Variants in MSRB3 observed in about 807,000 individuals in gnomAD.
MSRB3 encodes the protein methionine sulfoxide reductase B3.
MSRB3 carries 13 observed loss-of-function variants against 21.0 expected under a neutral mutation model. The observed-to-expected ratio is 0.62, with a 90% CI of 0.40 to 0.98. The LOEUF (loss-of-function observed/expected upper bound fraction) is 0.98. MSRB3 is among the 50% of genes least tolerant of loss of function. The pLI, the probability that MSRB3 is intolerant of heterozygous loss-of-function variation, is 0.00. For missense variants in MSRB3, 199 were observed against 230.3 expected, an observed-to-expected ratio of 0.86 and a Z score of 0.88; for synonymous variants, 87 against 88.6, an observed-to-expected ratio of 0.98 and a Z score of 0.10.
At chr12:65,347,855 G>A (rs1876630200) in intron 4 of MSRB3, among the ~76,000 whole-genome samples, 1 of 152,148 alleles carries the variant, frequency 6.6e-6, no homozygotes, top group Non-Finnish European at 1.5e-5. Flanking sequence ...TGTGGTTTTT[G>A]TCGTTGGTTC....
At chr12:65,288,496 G>T (rs530762623) in intron 1 of MSRB3, among the ~76,000 whole-genome samples, 16 of 152,202 alleles carry the variant, frequency 1.1e-4, no homozygotes, top group African/African-American at 3.9e-4. Context: ...TCTTATGTTT[G>T]AACTTCGTAG....
At chr12:65,393,508 C>T (rs1879597023) in intron 5 of MSRB3, among the ~76,000 whole-genome samples, 1 of 151,950 alleles carries the variant, frequency 6.6e-6, no homozygotes, top group Non-Finnish European at 1.5e-5. Flanking sequence ...TGGTGGGCGC[C>T]TGTAATCCCA....
chr12:65,338,899 A>G (rs908374115), intron 4 of MSRB3, among the ~76,000 whole-genome samples: 2 of 151,986 alleles, frequency 1.3e-5, no homozygotes, highest in African/African-American at 2.4e-5. Context: ...ACATGGTGAA[A>G]CCCTGTCTCT....
chr12:65,303,832 G>T (rs1873486438), intron 1 of MSRB3, among the ~76,000 whole-genome samples: 3 of 152,118 alleles, frequency 2.0e-5, no homozygotes, highest in Admixed American at 2.0e-4. Context: ...AATGGTGGAG[G>T]TTGGAAGTGG....
chr12:65,296,482 A>G (rs1872973562), intron 1 of MSRB3, among the ~76,000 whole-genome samples: 1 of 152,232 alleles, frequency 6.6e-6, no homozygotes. Context: ...TCTACATTAT[A>G]CGAGTGAGGA....
intron 6 of MSRB3, among the ~76,000 whole-genome samples, chr12:65,460,577 T>C (rs1360172856): frequency 6.6e-6 from 1 of 152,202 alleles, no homozygotes; most frequent in Non-Finnish European, 1.5e-5. Flanking sequence ...CTGCTATGAC[T>C]CTTCCAGAAC....
intron 5 of MSRB3, among the ~76,000 whole-genome samples, chr12:65,387,092 C>T (rs533550038): frequency 3.3e-5 from 5 of 152,012 alleles, no homozygotes; most frequent in Admixed American, 6.5e-5. Context: ...AGCAGTATCT[C>T]ATTTTAAAAA....
At chr12:65,333,882 G>A (rs1327942596) in intron 4 of MSRB3, among the ~76,000 whole-genome samples, 10 of 152,282 alleles carry the variant, frequency 6.6e-5, no homozygotes, top group African/African-American at 1.9e-4. Flanking sequence ...CACCAAATAC[G>A]TAGTTGTTGA....
intron 1 of MSRB3, among the ~76,000 whole-genome samples, chr12:65,306,064 A>G (rs1035360528): frequency 6.6e-6 from 1 of 152,282 alleles, no homozygotes; most frequent in Middle Eastern, 3.4e-3. Context: ...AGGGTAAGCA[A>G]GTTGTCCAAG....
chr12:65,408,688 C>T (rs1880553424), intron 5 of MSRB3, among the ~76,000 whole-genome samples: 1 of 152,156 alleles, frequency 6.6e-6, no homozygotes, highest in Non-Finnish European at 1.5e-5. Context: ...GCTGTGACTT[C>T]TCAGTCTCAC....
intron 1 of MSRB3, among the ~76,000 whole-genome samples, chr12:65,281,325 T>C (rs546249885): frequency 2.9e-4 from 44 of 152,360 alleles, no homozygotes; most frequent in African/African-American, 1.0e-3. Flanking sequence ...AATTATTAAG[T>C]TGGACAGTTT....
intron 1 of MSRB3, among the ~76,000 whole-genome samples, chr12:65,304,271 T>C (rs1442293116): frequency 6.6e-6 from 1 of 152,186 alleles, no homozygotes; most frequent in African/African-American, 2.4e-5. Context: ...TCTCAGAACA[T>C]GGTTTGGAGA....
intron 2 of MSRB3, among the ~76,000 whole-genome samples, chr12:65,313,357 T>A (rs1232501212): frequency 6.6e-6 from 1 of 152,162 alleles, no homozygotes; most frequent in Non-Finnish European, 1.5e-5. Context: ...ATAATCAGAA[T>A]CGTCAGTGTG....
chr12:65,341,571 T>C (rs1876145664), intron 4 of MSRB3, among the ~76,000 whole-genome samples: 1 of 151,820 alleles, frequency 6.6e-6, no homozygotes, highest in South Asian at 2.1e-4. Context: ...AAGAGTATAA[T>C]TGGGTTGTTT....
rs570765934 is a variant in MSRB3, at chr12:65,347,819, C to T, written c.263+19216C>T. Among the ~76,000 whole-genome samples, 4 of 152,170 alleles carry T rather than the reference C, an allele frequency of 2.6e-5. No individual in the cohort carries two copies. The South Asian group carries it at 8.3e-4, about 32-fold the overall frequency. On this transcript the variant is annotated intron_variant, in intron 4 of 6. Transcript: ENST00000308259. ...AAGGTTGTTGAATTTTCTCAAAGGC[C>T]TTTTCTGCATCTATTGAGATAATCA...
chr12:65,369,285 G>C (rs546501681), intron 5 of MSRB3, among the ~76,000 whole-genome samples: 1 of 151,950 alleles, frequency 6.6e-6, no homozygotes, highest in East Asian at 1.9e-4. Context: ...CAGAAGTGGG[G>C]GTTATACATA....
chr12:65,458,041 T>C (rs1363126211), intron 6 of MSRB3, among the ~76,000 whole-genome samples: 2 of 152,220 alleles, frequency 1.3e-5, no homozygotes, highest in East Asian at 3.8e-4. Context: ...GTTGTAGACA[T>C]TTTCAGTCGG....
At chr12:65,310,868 T>C (rs947100105) in intron 2 of MSRB3, among the ~76,000 whole-genome samples, 13 of 152,228 alleles carry the variant, frequency 8.5e-5, no homozygotes, top group African/African-American at 3.1e-4. Flanking sequence ...CTTAGCTTCC[T>C]TGTTTGTAAC....
chr12:65,358,571 G>T (rs1008416860), intron 4 of MSRB3, among the ~76,000 whole-genome samples: 1 of 151,686 alleles, frequency 6.6e-6, no homozygotes, highest in East Asian at 1.9e-4. Context: ...GTTTTTGAGT[G>T]CCTCTTACTT....
Sources: gnomAD v4.1 joint callset for allele counts (sites outside exome capture counted in the v4.1 genomes callset) on GRCh38, gnomAD v4.1.1 for gene constraint, MANE v1.5 for transcripts, NCBI Gene and HGNC (gene_info 2026-07-23, HGNC 2026-07-21) for gene names.